The following FNIP1 variants were observed in gnomAD, a reference collection of about 807,000 sequenced individuals.
FNIP1 encodes the protein folliculin interacting protein 1.
FNIP1 carries 40 observed loss-of-function variants against 124.5 expected under a neutral mutation model. The observed-to-expected ratio is 0.32, with a 90% confidence interval of 0.25 to 0.42. The LOEUF is 0.42. Among genes scored for constraint, FNIP1 ranks in the 10% least tolerant of loss-of-function variants. The pLI is 1.00. For missense variants in FNIP1, 1,176 were observed against 1,403.7 expected, an observed-to-expected ratio of 0.84 and a Z score of 2.59; for synonymous variants, 472 against 470.6, an observed-to-expected ratio of 1.00 and a Z score of -0.04.
rs1767761233 is a variant in FNIP1, at chr5:131,671,819, T to G, written c.2625A>C (p.Thr875=). Residue 875 remains threonine (T), a synonymous_variant, in exon 14 of 18, where the codon ACA becomes ACC. Transcript: ENST00000510461. Reference sequence around the variant, plus strand: ...ATTCATTGTTCTGCTTGTTATTTTTTGTACACAATATTTTTGAAAACTCTA... The same window carrying G: ...ATTCATTGTTCTGCTTGTTATTTTTGGTACACAATATTTTTGAAAACTCTA... ...CMLEFSKILC[T]KNNKQNNEFC... 1 of 1,613,946 alleles carries G rather than the reference T, an allele frequency of 6.2e-7. No homozygotes were observed. Among genetic ancestry groups the G allele is most frequent in the African/African-American group, 1.3e-5 (1 of 74,944 alleles).
intron 15 of FNIP1, among the ~76,000 whole-genome samples, chr5:131,669,723 G>A (rs1034302093): frequency 4.0e-5 from 6 of 151,726 alleles, no homozygotes; most frequent in Non-Finnish European, 7.4e-5. Context: ...AGAAGTATTC[G>A]GTTAAACAAA....
rs535372842 is a variant in FNIP1, at chr5:131,695,022, T to C, written c.1202+3895A>G. Among the ~76,000 whole-genome samples, 13 of 152,088 alleles carry C rather than the reference T, an allele frequency of 8.5e-5. No homozygotes were observed. The South Asian group carries it at 2.7e-3, about 32-fold the overall frequency. The stretch of plus-strand genomic sequence containing the variant: ...CAGGAGGCTGAGGCACATAATCACT[T>C]GAACCCTGGGAGGCAGAGGCTGCAG... On this transcript the variant is annotated intron_variant, in intron 11 of 17. Coordinates refer to ENST00000510461, the MANE Select transcript of FNIP1 (RefSeq NM_133372.3).
rs570257651 is a variant in FNIP1, at chr5:131,646,967, A to G, written c.3422+123T>C. 7.3e-5 allele frequency: 57 copies of G among 783,680 alleles called. No homozygotes were observed. The African/African-American group carries it at 9.1e-4, about 12-fold the overall frequency. 48.5% of individuals were successfully genotyped at this position (783,680 alleles called of 1,614,324 possible). On this transcript the variant is annotated intron_variant, in intron 17 of 17. Coordinates refer to ENST00000510461, the MANE Select transcript of FNIP1 (RefSeq NM_133372.3). ...TACATGGTACAGGGCAACCTAAATGATAACAGCCTCCAGCTTCTAATAGGA... is the reference window on the plus strand; with the variant it reads ...TACATGGTACAGGGCAACCTAAATGGTAACAGCCTCCAGCTTCTAATAGGA...
chr5:131,720,828 GACA>G (rs1439114821), intron 3 of FNIP1, among the ~76,000 whole-genome samples: 2 of 152,048 alleles, frequency 1.3e-5, no homozygotes, highest in Non-Finnish European at 2.9e-5. Flanking sequence ...AAAAAGCAAA[GACA>G]ACAAGTGGTG....
chr5:131,720,523 C>G (rs1769622654), intron 3 of FNIP1, among the ~76,000 whole-genome samples: 1 of 151,588 alleles, frequency 6.6e-6, no homozygotes, highest in Admixed American at 6.6e-5. Flanking sequence ...TGTTTCTGCA[C>G]AGCAAAGAAA....
chr5:131,712,529 C>T (rs993120860), intron 6 of FNIP1, among the ~76,000 whole-genome samples: 5 of 152,084 alleles, frequency 3.3e-5, no homozygotes, highest in Non-Finnish European at 5.9e-5. Context: ...TGAATACAGA[C>T]GCAGATATGA....
intron 15 of FNIP1, among the ~76,000 whole-genome samples, chr5:131,655,075 A>G (rs947612468): frequency 6.6e-6 from 1 of 152,228 alleles, no homozygotes; most frequent in Non-Finnish European, 1.5e-5. Flanking sequence ...CTACAGGTCC[A>G]CTTAGATGCC....
chr5:131,708,852 T>C (rs1196173165), intron 8 of FNIP1, among the ~76,000 whole-genome samples: 1 of 151,424 alleles, frequency 6.6e-6, no homozygotes, highest in Non-Finnish European at 1.5e-5. Context: ...AGAGACAATA[T>C]GACAATTTAA....
intron 1 of FNIP1, among the ~76,000 whole-genome samples, chr5:131,758,055 G>A (rs1771106390): frequency 6.6e-6 from 1 of 152,080 alleles, no homozygotes; most frequent in African/African-American, 2.4e-5. Context: ...GTTGTGACAT[G>A]GAAATCTATA....
chr5:131,737,204 C>T (rs905000305), intron 2 of FNIP1, among the ~76,000 whole-genome samples: 1 of 152,180 alleles, frequency 6.6e-6, no homozygotes, highest in Non-Finnish European at 1.5e-5. Flanking sequence ...GTTGACTGCA[C>T]CTTGTCCCCT....
At chr5:131,686,621 C>A (rs1386761765) in intron 11 of FNIP1, among the ~76,000 whole-genome samples, 2 of 152,168 alleles carry the variant, frequency 1.3e-5, no homozygotes, top group Non-Finnish European at 2.9e-5. Flanking sequence ...ATAATCATAT[C>A]AGGATAAATG....
intron 11 of FNIP1, among the ~76,000 whole-genome samples, chr5:131,694,089 T>C (rs1049720699): frequency 6.6e-6 from 1 of 152,196 alleles, no homozygotes; most frequent in Non-Finnish European, 1.5e-5. Flanking sequence ...GACAAGGATG[T>C]AGAGCAATAG....
intron 1 of FNIP1, among the ~76,000 whole-genome samples, chr5:131,774,146 C>G (rs1287443588): frequency 6.6e-6 from 1 of 152,170 alleles, no homozygotes. Flanking sequence ...CCGGCCTTAG[C>G]CTCTGAAGTA....
chr5:131,762,377 T>C (rs566360871), intron 1 of FNIP1, among the ~76,000 whole-genome samples: 1 of 152,134 alleles, frequency 6.6e-6, no homozygotes, highest in African/African-American at 2.4e-5. Flanking sequence ...CCAGAATGTA[T>C]AAGGAGCTCG....
At chr5:131,659,467 G>A (rs1207329318) in intron 15 of FNIP1, among the ~76,000 whole-genome samples, 1 of 152,208 alleles carries the variant, frequency 6.6e-6, no homozygotes, top group Admixed American at 6.5e-5. Context: ...GGGTGACATA[G>A]TATAGCTTCT....
chr5:131,716,721 C>T, intron 5 of FNIP1, 65 bp from the exon 6 acceptor site: 2 of 956,598 alleles, frequency 2.1e-6, no homozygotes, highest in Non-Finnish European at 3.1e-6. Flanking sequence ...ATTCTTTGTA[C>T]ATCCTGATGA....
chr5:131,744,666 T>C lies in FNIP1; in HGVS notation c.117A>G (p.Pro39=). The part of the protein sequence containing the change: ...GFSWPLPEFD[P]SQIRLIVYQD... Reference sequence around the variant, plus strand: ...GATATACAATCAGTCGAATCTGGCTTGGATCAAACTCTGGTAAAGGCCAAC... The same window carrying C: ...GATATACAATCAGTCGAATCTGGCTCGGATCAAACTCTGGTAAAGGCCAAC... The change falls in exon 2 of 18, where the codon CCA becomes CCG. Residue 39 remains proline, a synonymous_variant. Coordinates refer to ENST00000510461, the MANE Select transcript of FNIP1 (RefSeq NM_133372.3). 5 of 1,609,602 alleles carry C rather than the reference T, an allele frequency of 3.1e-6. No homozygotes were observed. The highest frequency in any genetic ancestry group is 1.7e-4 in the Middle Eastern group (1 of 6,044).
chr5:131,721,788 A>G (rs1353744073), intron 3 of FNIP1, among the ~76,000 whole-genome samples: 1 of 152,244 alleles, frequency 6.6e-6, no homozygotes, highest in African/African-American at 2.4e-5. Flanking sequence ...ACAGAGCAAG[A>G]CTTCCTTGAA....
intron 10 of FNIP1, among the ~76,000 whole-genome samples, chr5:131,702,826 C>T (rs1768947043): frequency 6.6e-6 from 1 of 152,218 alleles, no homozygotes; most frequent in Admixed American, 6.5e-5. Context: ...AAAGAATACA[C>T]TCTTGTTTTT....
Sources: gnomAD v4.1 joint callset for allele counts (sites outside exome capture counted in the v4.1 genomes callset) on GRCh38, gnomAD v4.1.1 for gene constraint, MANE v1.5 for transcripts, NCBI Gene and HGNC (gene_info 2026-07-23, HGNC 2026-07-21) for gene names.